The following CAMK1D variants were observed in gnomAD, a reference collection of about 807,000 sequenced individuals.
The protein encoded by CAMK1D is calcium/calmodulin dependent protein kinase ID.
In CAMK1D, 9 loss-of-function variants were observed where a neutral mutation model predicts 47.7. The ratio of observed to expected loss-of-function variants is 0.19; its 90% CI spans 0.11 to 0.33. The LOEUF (loss-of-function observed/expected upper bound fraction) is 0.33. CAMK1D is among the 10% of genes least tolerant of loss of function. The pLI, the probability that CAMK1D is intolerant of heterozygous loss-of-function variation, is 1.00. For missense variants in CAMK1D, 291 were observed against 488.7 expected, an observed-to-expected ratio of 0.60 and a Z score of 3.81; for synonymous variants, 184 against 184.9, an observed-to-expected ratio of 0.99 and a Z score of 0.04.
chr10:12,698,807 G>T (rs934863009), intron 3 of CAMK1D, among the ~76,000 whole-genome samples: 2 of 150,634 alleles, frequency 1.3e-5, no homozygotes, highest in Admixed American at 6.7e-5. Context: ...CAAGTAACTG[G>T]GACTACAGGT....
intron 2 of CAMK1D, among the ~76,000 whole-genome samples, chr10:12,650,648 T>G (rs1054521357): frequency 6.6e-6 from 1 of 152,178 alleles, no homozygotes; most frequent in Non-Finnish European, 1.5e-5. Flanking sequence ...TAACAGACTG[T>G]GCCTCCCTGT....
At chr10:12,722,492 T>G (rs573725331) in intron 3 of CAMK1D, among the ~76,000 whole-genome samples, 1 of 141,036 alleles carries the variant, frequency 7.1e-6, no homozygotes, top group East Asian at 2.1e-4. Context: ...TCCAAAGAAT[T>G]TGAAAAGTAG....
intron 1 of CAMK1D, among the ~76,000 whole-genome samples, chr10:12,378,719 T>C (rs1383452106): frequency 1.3e-5 from 2 of 152,076 alleles, no homozygotes; most frequent in African/African-American, 2.4e-5. Flanking sequence ...TAAGAAAGTT[T>C]ATTGAGCACT....
intron 3 of CAMK1D, among the ~76,000 whole-genome samples, chr10:12,670,790 C>A (rs924155384): frequency 2.5e-4 from 38 of 152,144 alleles, no homozygotes; most frequent in African/African-American, 8.9e-4. Context: ...CTCAGGTGAT[C>A]CACCCACCTC....
rs34038018 is a variant in CAMK1D, at chr10:12,573,831, C to CTTTTTTTTTTTTTTTTTT, written c.224+20483_224+20500dup. On this transcript the variant is annotated intron_variant, in intron 2 of 10. Transcript: ENST00000619168. ...CACCATGCCTGGCTTATTAAAAAAA[C>CTTTTTTTTTTTTTTTTTT]TTTTTTTTTTTTTTTTTTTTTTTTT... Among the ~76,000 whole-genome samples the CTTTTTTTTTTTTTTTTTT allele has an allele frequency of 3.3e-4, 21 of 64,090 alleles. 2 individuals carry two copies. Among genetic ancestry groups the CTTTTTTTTTTTTTTTTTT allele is most frequent in the African/African-American group, 1.1e-3 (21 of 18,456 alleles). The allele number at this position is 64,090 out of a possible 152,430, so 42.0% of individuals were successfully genotyped here. A position where few individuals can be genotyped will look rare whatever the true frequency, so the allele number is the denominator to read the frequency against.
At chr10:12,527,010 C>T (rs78333585) in intron 1 of CAMK1D, among the ~76,000 whole-genome samples, 1 of 151,822 alleles carries the variant, frequency 6.6e-6, no homozygotes. Flanking sequence ...TGTAGCAAGA[C>T]CCCATTTCTC....
At chr10:12,621,246 G>T (rs1336289499) in intron 2 of CAMK1D, among the ~76,000 whole-genome samples, 1 of 151,484 alleles carries the variant, frequency 6.6e-6, no homozygotes, top group Non-Finnish European at 1.5e-5. Context: ...TTTCAGAGTT[G>T]TTTAGCTATA....
At chr10:12,823,434 G>A (rs533311151) in intron 8 of CAMK1D, among the ~76,000 whole-genome samples, 1 of 152,250 alleles carries the variant, frequency 6.6e-6, no homozygotes, top group South Asian at 2.1e-4. Flanking sequence ...GAGGCCCAGG[G>A]GGAAAAGGCC....
At chr10:12,457,736 A>G (rs540638289) in intron 1 of CAMK1D, among the ~76,000 whole-genome samples, 352 of 145,056 alleles carry the variant, frequency 2.4e-3, no homozygotes, top group African/African-American at 8.4e-3. Context: ...AGCTGAGATT[A>G]TGCCACTGCA....
At chr10:12,734,343 AAAAT>A (rs1835038399) in intron 3 of CAMK1D, among the ~76,000 whole-genome samples, 5 of 17,134 alleles carry the variant, frequency 2.9e-4, no homozygotes, top group East Asian at 1.6e-3. Flanking sequence ...AAAAAAAAAA[AAAAT>A]ATATATATAT....
At chr10:12,817,723 C>G (rs953212857) in intron 8 of CAMK1D, among the ~76,000 whole-genome samples, 1 of 152,014 alleles carries the variant, frequency 6.6e-6, no homozygotes, top group African/African-American at 2.4e-5. Context: ...GAGATGGAGT[C>G]TCCGTCACCC....
At chr10:12,373,956 C>CAAAAA (rs35008954) in intron 1 of CAMK1D, among the ~76,000 whole-genome samples, 2 of 86,128 alleles carry the variant, frequency 2.3e-5, no homozygotes, top group South Asian at 4.2e-4. Context: ...CACTCTTTAT[C>CAAAAA]AAAAAAAAAA....
intron 1 of CAMK1D, among the ~76,000 whole-genome samples, chr10:12,449,672 A>G (rs1833025483): frequency 6.6e-6 from 1 of 152,186 alleles, no homozygotes; most frequent in Non-Finnish European, 1.5e-5. Flanking sequence ...AATATATACC[A>G]TTTTTATTTG....
intron 1 of CAMK1D, among the ~76,000 whole-genome samples, chr10:12,482,452 C>G (rs1237383980): frequency 6.6e-6 from 1 of 152,156 alleles, no homozygotes; most frequent in Admixed American, 6.6e-5. Flanking sequence ...ATCTCACCGG[C>G]CACTTTCACT....
intron 2 of CAMK1D, among the ~76,000 whole-genome samples, chr10:12,619,353 C>G (rs1342093314): frequency 6.6e-6 from 1 of 151,800 alleles, no homozygotes. Flanking sequence ...TGCAGTGGTA[C>G]AATCATGGCT....
chr10:12,387,194 A>G (rs7895768), intron 1 of CAMK1D, among the ~76,000 whole-genome samples: 113,309 of 143,806 alleles, frequency 0.79, 47,017 homozygotes, highest in South Asian at 0.91. Context: ...TCCAAGAGAG[A>G]CTCCATCTCA....
chr10:12,770,358 T>C (rs1384397389), intron 5 of CAMK1D, among the ~76,000 whole-genome samples: 1 of 152,226 alleles, frequency 6.6e-6, no homozygotes, highest in African/African-American at 2.4e-5. Context: ...CAGAGGAAAC[T>C]ACTGACGGAT....
At chr10:12,525,002 A>T (rs1279169620) in intron 1 of CAMK1D, among the ~76,000 whole-genome samples, 1 of 151,984 alleles carries the variant, frequency 6.6e-6, no homozygotes, top group Non-Finnish European at 1.5e-5. Flanking sequence ...ATTTTATTGG[A>T]TATAGACTTT....
chr10:12,794,480 A>C (rs555458191), intron 6 of CAMK1D, among the ~76,000 whole-genome samples: 2 of 152,116 alleles, frequency 1.3e-5, no homozygotes, highest in Non-Finnish European at 2.9e-5. Flanking sequence ...CGTACTTCTG[A>C]GTATGATTTG....
Sources: gnomAD v4.1 joint callset for allele counts (sites outside exome capture counted in the v4.1 genomes callset) on GRCh38, gnomAD v4.1.1 for gene constraint, MANE v1.5 for transcripts, NCBI Gene and HGNC (gene_info 2026-07-23, HGNC 2026-07-21) for gene names.